ARL5B: variants seen among roughly 807,000 people sequenced by gnomAD.
ARL5B encodes the protein ADP-ribosylation factor-like protein 5B.
Under a neutral mutation model 26.9 loss-of-function variants are expected in ARL5B, and 10 were observed. The observed-to-expected ratio is 0.37, with a 90% confidence interval of 0.23 to 0.63. The LOEUF (loss-of-function observed/expected upper bound fraction) is 0.63, where lower values mean the gene tolerates loss of function less well. Ranked by LOEUF, ARL5B falls within the 30% of genes least tolerant of loss-of-function variation. The pLI, the probability that ARL5B is intolerant of heterozygous loss-of-function variation, is 0.62. For missense variants in ARL5B, 167 were observed against 213.9 expected, an observed-to-expected ratio of 0.78 and a Z score of 1.37; for synonymous variants, 87 against 70.4, an observed-to-expected ratio of 1.24 and a Z score of -1.18.
chr10:18,675,564 C>G lies in ARL5B; in HGVS notation c.*348C>G, dbSNP rs947568503. The G allele has an allele frequency of 3.3e-5, 7 of 212,460 alleles. No individual in the cohort carries two copies. The highest frequency in any genetic ancestry group is 1.2e-4 in the African/African-American group (5 of 43,402). 13.2% of individuals were successfully genotyped at this position (212,460 alleles called of 1,614,324 possible). A position where few individuals can be genotyped will look rare whatever the true frequency, so the allele number is the denominator to read the frequency against. On this transcript the variant is annotated 3_prime_UTR_variant, in exon 6 of 6. Transcript: ENST00000377275. Reference sequence around the variant, plus strand: ...CCTTAATGACCAATTGCTTTCAATTCTTGACCAGCACTCCCTCCCAACCAG... The same window carrying G: ...CCTTAATGACCAATTGCTTTCAATTGTTGACCAGCACTCCCTCCCAACCAG...
At chr10:18,664,390 AACATTCTGATTT>A (rs2059851177) in intron 1 of ARL5B, among the ~76,000 whole-genome samples, 1 of 149,688 alleles carries the variant, frequency 6.7e-6, no homozygotes, top group Non-Finnish European at 1.5e-5. Flanking sequence ...CCTGGCCTAA[AACATTCTGATTT>A]ACTGTAACTG....
intron 4 of ARL5B, among the ~76,000 whole-genome samples, chr10:18,673,163 A>G (rs2059895539): frequency 6.6e-6 from 1 of 152,012 alleles, no homozygotes; most frequent in South Asian, 2.1e-4. Flanking sequence ...CCTGGGTTCA[A>G]GCAGTTCTCT....
chr10:18,665,145 A>G (rs1355790185), intron 1 of ARL5B, among the ~76,000 whole-genome samples: 2 of 149,174 alleles, frequency 1.3e-5, no homozygotes, highest in Admixed American at 6.8e-5. Context: ...ACTTTAAGGG[A>G]TAACAAACAG....
intron 3 of ARL5B, among the ~76,000 whole-genome samples, chr10:18,671,423 C>T (rs1357517095): frequency 6.6e-6 from 1 of 152,098 alleles, no homozygotes; most frequent in Non-Finnish European, 1.5e-5. Flanking sequence ...CCCACCTCGG[C>T]CTACCAAAGT....
chr10:18,676,422 TAAA>T lies in ARL5B; in HGVS notation c.*1211_*1213del, dbSNP rs954898426. On this transcript the variant is annotated 3_prime_UTR_variant, in exon 6 of 6. Transcript: ENST00000377275. ...GTTAATATTCTTAACAACTTAAAAT[TAAA>T]AAAAGTCATAATCTATCAAAAGTTT... The T allele has an allele frequency of 2.0e-5, 3 of 151,922 alleles. No homozygotes were observed. The highest frequency in any genetic ancestry group is 7.2e-5 in the African/African-American group (3 of 41,416). 9.4% of individuals were successfully genotyped at this position (151,922 alleles called of 1,614,324 possible). A position where few individuals can be genotyped will look rare whatever the true frequency, so the allele number is the denominator to read the frequency against.
chr10:18,672,751 C>T, intron 4 of ARL5B, 46 bp downstream of exon 4: 1 of 1,390,006 alleles, frequency 7.2e-7, no homozygotes, highest in South Asian at 1.2e-5. Context: ...AGTAAAGTAT[C>T]TGTACGTTGC....
chr10:18,665,916 T>C (rs544495233), intron 1 of ARL5B, among the ~76,000 whole-genome samples: 2 of 152,204 alleles, frequency 1.3e-5, no homozygotes, highest in Non-Finnish European at 2.9e-5. Flanking sequence ...GGTGAATATT[T>C]AGTGCATGGC....
intron 4 of ARL5B, 41 bp downstream of exon 4, chr10:18,672,746 A>G (rs202027107): frequency 1.2e-5 from 17 of 1,458,852 alleles, no homozygotes; most frequent in Non-Finnish European, 1.6e-5. Flanking sequence ...AGTGTAGTAA[A>G]GTATCTGTAC....
At chr10:18,672,497 C>T in intron 3 of ARL5B, 125 bp from the exon 4 acceptor site, 1 of 584,712 alleles carries the variant, frequency 1.7e-6, no homozygotes, top group South Asian at 2.3e-5. Context: ...GGTGAAAAAG[C>T]AGTAGATGTT....
chr10:18,676,384 TAGG>T lies in ARL5B; in HGVS notation c.*1171_*1173del, dbSNP rs1296248167. On this transcript the variant is annotated 3_prime_UTR_variant, in exon 6 of 6. Coordinates refer to ENST00000377275, the MANE Select transcript of ARL5B (RefSeq NM_178815.5). ...TGAATCCTAGCTTTTAGAATATTAA[TAGG>T]AGACTCAAAGTTAATATTCTTAACA... 6 of 152,238 alleles carry T rather than the reference TAGG, an allele frequency of 3.9e-5. No individual in the cohort carries two copies. Among genetic ancestry groups the T allele is most frequent in the African/African-American group, 1.2e-4 (5 of 41,546 alleles). 9.4% of individuals were successfully genotyped at this position (152,238 alleles called of 1,614,324 possible).
rs1485004223 is a variant in ARL5B at position 18,676,673 on chromosome 10, C to T, written c.*1457C>T. ...ATTTTGATAAAAAAGATACAAAGTT[C>T]ATAATATCAAAATATGTGTTCAAAA... is the stretch of plus-strand genomic sequence containing the variant. On this transcript the variant is annotated 3_prime_UTR_variant, in exon 6 of 6. Coordinates refer to ENST00000377275, the MANE Select transcript of ARL5B (RefSeq NM_178815.5). 1 of 151,932 alleles carries T rather than the reference C, an allele frequency of 6.6e-6. No individual in the cohort carries two copies. The highest frequency in any genetic ancestry group is 2.4e-5 in the African/African-American group (1 of 41,422). 9.4% of individuals were successfully genotyped at this position (151,932 alleles called of 1,614,324 possible).
At chr10:18,672,488 G>A (rs1179431918) in intron 3 of ARL5B, 134 bp from the exon 4 acceptor site, 1 of 559,614 alleles carries the variant, frequency 1.8e-6, no homozygotes, top group Admixed American at 3.3e-5. Flanking sequence ...GCTGTTTATG[G>A]TGAAAAAGCA....
At chr10:18,669,793 C>T (rs1273544080) in intron 3 of ARL5B, among the ~76,000 whole-genome samples, 1 of 151,790 alleles carries the variant, frequency 6.6e-6, no homozygotes, top group Non-Finnish European at 1.5e-5. Flanking sequence ...GAGATTGAGG[C>T]CATCCTGGCT....
At chr10:18,668,855 C>T (rs1237066974) in intron 3 of ARL5B, among the ~76,000 whole-genome samples, 178 bp downstream of exon 3, 4 of 151,328 alleles carry the variant, frequency 2.6e-5, no homozygotes, top group South Asian at 2.1e-4. Context: ...CTGCAAGCTC[C>T]GCCTGCTGAG....
At chr10:18,663,889 C>T (rs1034057282) in intron 1 of ARL5B, among the ~76,000 whole-genome samples, 1 of 151,954 alleles carries the variant, frequency 6.6e-6, no homozygotes, top group Non-Finnish European at 1.5e-5. Context: ...AAGCAGGTTT[C>T]AAACACACTA....
intron 1 of ARL5B, among the ~76,000 whole-genome samples, chr10:18,665,025 G>C (rs2059855146): frequency 6.6e-6 from 1 of 152,120 alleles, no homozygotes; most frequent in Admixed American, 6.6e-5. Flanking sequence ...ACCACTGCAG[G>C]CATGTTGTTT....
At chr10:18,673,926 C>A (rs2059899102) in intron 4 of ARL5B, 58 bp from the exon 5 acceptor site, 7 of 1,496,080 alleles carry the variant, frequency 4.7e-6, no homozygotes, top group Non-Finnish European at 6.3e-6. Context: ...AACTGTTCAG[C>A]TGGGTAAATT....
At chr10:18,661,790 G>A (rs1312193025) in intron 1 of ARL5B, among the ~76,000 whole-genome samples, 1 of 152,216 alleles carries the variant, frequency 6.6e-6, no homozygotes, top group Non-Finnish European at 1.5e-5. Context: ...CCGAATAGAA[G>A]GGACGTGTTA....
At chr10:18,659,921 G>T (rs1305234020) in intron 1 of ARL5B, 2 of 985,278 alleles carry the variant, frequency 2.0e-6, no homozygotes, top group East Asian at 2.3e-4. Context: ...TCCAAACTGA[G>T]AATGTTTGGA....
Sources: allele counts gnomAD v4.1 joint callset (sites outside exome capture counted in the v4.1 genomes callset), GRCh38; gene constraint gnomAD v4.1.1; transcripts MANE v1.5; gene names NCBI Gene and HGNC (gene_info 2026-07-23, HGNC 2026-07-21).